The following MEIKIN variants were observed in gnomAD, a reference collection of about 807,000 sequenced individuals.
MEIKIN encodes the protein meiotic kinetochore factor.
intron 4 of MEIKIN, among the ~76,000 whole-genome samples, chr5:131,940,368 T>C (rs1751848902): frequency 6.6e-6 from 1 of 152,226 alleles, no homozygotes; most frequent in Admixed American, 6.5e-5. Context: ...AATTCCAATA[T>C]TAGACTCCTC....
At chr5:131,909,736 T>A (rs1036075984) in intron 8 of MEIKIN, among the ~76,000 whole-genome samples, 2 of 151,984 alleles carry the variant, frequency 1.3e-5, no homozygotes, top group Non-Finnish European at 2.9e-5. Context: ...AAAAATCTGA[T>A]AATCCAATTA....
intron 7 of MEIKIN, among the ~76,000 whole-genome samples, chr5:131,912,441 A>G (rs573033341): frequency 2.3e-4 from 35 of 152,080 alleles, no homozygotes; most frequent in Non-Finnish European, 3.7e-4. Flanking sequence ...CCCCAGTTCT[A>G]TCTAAATGTG....
At chr5:131,889,978 T>G (rs966729282) in intron 8 of MEIKIN, among the ~76,000 whole-genome samples, 8 of 152,150 alleles carry the variant, frequency 5.3e-5, no homozygotes, top group African/African-American at 1.9e-4. Flanking sequence ...ATCATGTGGT[T>G]TTTGTCTTTG....
intron 5 of MEIKIN, among the ~76,000 whole-genome samples, chr5:131,931,954 C>G (rs534722534): frequency 2.4e-4 from 36 of 152,272 alleles, no homozygotes; most frequent in African/African-American, 8.4e-4. Context: ...TCCCTATGGC[C>G]TAGGTGGGGC....
intron 8 of MEIKIN, among the ~76,000 whole-genome samples, chr5:131,907,369 G>A (rs1326525042): frequency 6.6e-6 from 1 of 150,974 alleles, no homozygotes; most frequent in East Asian, 1.9e-4. Flanking sequence ...AAAAAGCAAT[G>A]AAACAAAAAA....
intron 9 of MEIKIN, among the ~76,000 whole-genome samples, chr5:131,858,008 T>C (rs972432837): frequency 6.6e-6 from 1 of 152,224 alleles, no homozygotes; most frequent in Admixed American, 6.5e-5. Flanking sequence ...GATCCTGCTA[T>C]GCTATGCCAC....
intron 7 of MEIKIN, among the ~76,000 whole-genome samples, chr5:131,915,332 G>C (rs560462929): frequency 2.0e-5 from 3 of 152,200 alleles, no homozygotes; most frequent in African/African-American, 7.2e-5. Flanking sequence ...TTTTTCAGTG[G>C]AGCCCAGACC....
At chr5:131,909,110 A>G (rs910896803) in intron 8 of MEIKIN, among the ~76,000 whole-genome samples, 2 of 152,168 alleles carry the variant, frequency 1.3e-5, no homozygotes, top group African/African-American at 4.8e-5. Flanking sequence ...GAATAGTCAA[A>G]GCTAACCTGA....
At chr5:131,932,428 G>C (rs1039269975) in intron 5 of MEIKIN, among the ~76,000 whole-genome samples, 2 of 152,154 alleles carry the variant, frequency 1.3e-5, no homozygotes, top group African/African-American at 2.4e-5. Flanking sequence ...CTCTCATTCT[G>C]GGGTTCCACG....
At chr5:131,833,236 C>T (rs1749744276) in intron 11 of MEIKIN, among the ~76,000 whole-genome samples, 2 of 152,196 alleles carry the variant, frequency 1.3e-5, no homozygotes, top group African/African-American at 4.8e-5. Flanking sequence ...GTTCAACGTT[C>T]CATAAATCTC....
intron 12 of MEIKIN, among the ~76,000 whole-genome samples, chr5:131,811,340 C>A (rs1201208385): frequency 6.7e-6 from 1 of 149,722 alleles, no homozygotes; most frequent in African/African-American, 2.4e-5. Context: ...TAAACTTTTT[C>A]TTTTCTTTTT....
intron 4 of MEIKIN, among the ~76,000 whole-genome samples, chr5:131,939,399 C>A (rs1196352104): frequency 6.6e-6 from 1 of 150,898 alleles, no homozygotes; most frequent in East Asian, 1.9e-4. Context: ...TCTGTTAGGT[C>A]AATTATAATT....
At chr5:131,911,941 C>T in intron 7 of MEIKIN, 62 bp from the exon 8 acceptor site, 2 of 395,820 alleles carry the variant, frequency 5.1e-6, no homozygotes, top group Non-Finnish European at 8.9e-6. Flanking sequence ...TTCAAAAACC[C>T]TCAAATAATA....
intron 3 of MEIKIN, among the ~76,000 whole-genome samples, chr5:131,943,528 T>C (rs1394489454): frequency 1.3e-5 from 2 of 152,174 alleles, no homozygotes; most frequent in Admixed American, 1.3e-4. Flanking sequence ...TTACAGTGTA[T>C]CTATCTACAA....
chr5:131,845,035 C>T (rs1749987640), intron 11 of MEIKIN, among the ~76,000 whole-genome samples: 1 of 152,018 alleles, frequency 6.6e-6, no homozygotes, highest in Non-Finnish European at 1.5e-5. Context: ...CTTTGGGAGG[C>T]CGAGGCGGGT....
chr5:131,813,706 C>T (rs1378087501), intron 12 of MEIKIN, among the ~76,000 whole-genome samples: 2 of 152,098 alleles, frequency 1.3e-5, no homozygotes, highest in Non-Finnish European at 2.9e-5. Context: ...GGATTACAGG[C>T]TTGAGCCACC....
chr5:131,818,099 CAG>C (rs749586584), intron 12 of MEIKIN, among the ~76,000 whole-genome samples: 1 of 152,166 alleles, frequency 6.6e-6, no homozygotes, highest in Non-Finnish European at 1.5e-5. Flanking sequence ...CTTTAAATCT[CAG>C]AGTCTTAATA....
At position 131,873,615 on chromosome 5, in the gene MEIKIN, C is replaced by T. The variant is rs888530646; in HGVS notation, c.774+5363G>A. On this transcript the variant is annotated intron_variant, in intron 9 of 12. Transcript: ENST00000442687. Reference sequence around the variant, plus strand: ...TGAGACAGAAAGTTAACAAGGATACCGAGGAATTGAACTCAGCTATGCACC... The same window carrying T: ...TGAGACAGAAAGTTAACAAGGATACTGAGGAATTGAACTCAGCTATGCACC... Among the ~76,000 whole-genome samples, 66 of 152,060 alleles carry T rather than the reference C, an allele frequency of 4.3e-4. 1 individual carries two copies. Among genetic ancestry groups the T allele is most frequent in the African/African-American group, 1.3e-3 (55 of 41,394 alleles).
chr5:131,913,431 C>T (rs765984118), intron 7 of MEIKIN, among the ~76,000 whole-genome samples: 7 of 152,140 alleles, frequency 4.6e-5, no homozygotes, highest in East Asian at 1.9e-4. Context: ...TTAGACCTTC[C>T]GGGTATGAGT....
Sources: allele counts gnomAD v4.1 joint callset (sites outside exome capture counted in the v4.1 genomes callset), GRCh38; gene constraint gnomAD v4.1.1; transcripts MANE v1.5; gene names NCBI Gene and HGNC (gene_info 2026-07-23, HGNC 2026-07-21).